The following TRA2A variants were observed in gnomAD, a reference collection of about 807,000 sequenced individuals.
The protein encoded by TRA2A is transformer 2 alpha homolog.
TRA2A carries 31 observed loss-of-function variants against 45.7 expected under a neutral mutation model. That is an observed-to-expected ratio of 0.68 (90% confidence interval 0.51 to 0.92). TRA2A has a LOEUF of 0.92. Among genes scored for constraint, TRA2A ranks in the 40% least tolerant of loss-of-function variants. TRA2A has a pLI of 0.00. For synonymous variants in TRA2A, 132 were observed against 126.2 expected, an observed-to-expected ratio of 1.05 and a Z score of -0.31; for missense variants, 304 against 367.5, an observed-to-expected ratio of 0.83 and a Z score of 1.41.
chr7:23,530,339 G>C (rs1584152132), intron 1 of TRA2A, among the ~76,000 whole-genome samples: 1 of 152,116 alleles, frequency 6.6e-6, no homozygotes, highest in South Asian at 2.1e-4. Flanking sequence ...TAGTCTACCG[G>C]GTAACTATTA....
At chr7:23,521,592 G>C in intron 2 of TRA2A, 115 bp downstream of exon 2, 7 of 1,238,574 alleles carry the variant, frequency 5.7e-6, no homozygotes, top group East Asian at 4.7e-5. Context: ...AGCAGTCTGA[G>C]AAAAACTATA....
intron 3 of TRA2A, among the ~76,000 whole-genome samples, chr7:23,516,071 C>T (rs528204563): frequency 1.4e-3 from 216 of 152,070 alleles, no homozygotes; most frequent in African/African-American, 4.9e-3. Context: ...ATTCAGGAGG[C>T]TAAGGCCGCA....
chr7:23,509,803 T>C (rs1344375777), intron 4 of TRA2A, among the ~76,000 whole-genome samples: 1 of 151,118 alleles, frequency 6.6e-6, no homozygotes, highest in African/African-American at 2.4e-5. Context: ...GGAGGCCAAA[T>C]CACTTGAGGT....
At chr7:23,515,039 T>A (rs1190467982) in intron 3 of TRA2A, among the ~76,000 whole-genome samples, 1 of 152,104 alleles carries the variant, frequency 6.6e-6, no homozygotes, top group Non-Finnish European at 1.5e-5. Flanking sequence ...TTTTTTTATA[T>A]ATAACATAAC....
At position 23,522,556 on chromosome 7, in the gene TRA2A, TAA is replaced by T. The variant is rs35027244; in HGVS notation, c.37-718_37-717del. The T allele has an allele frequency of 4.4e-3, 592 of 134,426 alleles. 1 individual carries two copies. Among genetic ancestry groups the T allele is most frequent in the South Asian group, 9.8e-3 (43 of 4,386 alleles). The allele number at this position is 134,426 out of a possible 1,614,324, so 8.3% of individuals were successfully genotyped here. A position where few individuals can be genotyped will look rare whatever the true frequency, so the allele number is the denominator to read the frequency against. On this transcript the variant is annotated intron_variant, in intron 1 of 7. Transcript: ENST00000297071. ...GTAAAGTGCAAGTAACTAGTTTATT[TAA>T]AAAAAAAAAAAAAAAACAATTTTAT...
intron 2 of TRA2A, among the ~76,000 whole-genome samples, chr7:23,518,550 C>T (rs1177240518): frequency 6.6e-6 from 1 of 152,014 alleles, no homozygotes; most frequent in Non-Finnish European, 1.5e-5. Flanking sequence ...ACCATGTTGG[C>T]CAGGTTGGTC....
rs1017887722 is a variant in TRA2A at position 23,531,797 on chromosome 7, C to G, written c.28G>C (p.Glu10Gln). 7 of 1,613,570 alleles carry G rather than the reference C, an allele frequency of 4.3e-6. No homozygotes were observed. The Admixed American group carries it at 6.7e-5, about 15-fold the overall frequency. The change falls in exon 1 of 8, where the codon GAG becomes CAG. Residue 10 changes from glutamate (E) to glutamine (Q), a missense_variant. Transcript: ENST00000297071. MSDVEENNF[E>Q]GRESRSQSKS... ...CGCGGCTTTGTACTCACTCTGCCCTCGAAGTTGTTTTCCTCCACATCACTC... is the reference window on the plus strand; with the variant it reads ...CGCGGCTTTGTACTCACTCTGCCCTGGAAGTTGTTTTCCTCCACATCACTC...
chr7:23,510,800 CTTAA>C (rs923159706), intron 4 of TRA2A, among the ~76,000 whole-genome samples: 7 of 151,874 alleles, frequency 4.6e-5, no homozygotes, highest in South Asian at 2.1e-4. Flanking sequence ...ACATGTATCT[CTTAA>C]TTGAGAAAAG....
rs113690117 is a variant in TRA2A at position 23,520,063 on chromosome 7, C to T, written c.170+1644G>A. Among the ~76,000 whole-genome samples the T allele has an allele frequency of 3.0e-3, 460 of 152,186 alleles. 1 individual carries two copies. Among genetic ancestry groups the T allele is most frequent in the Non-Finnish European group, 5.1e-3 (346 of 68,004 alleles). On this transcript the variant is annotated intron_variant, in intron 2 of 7. Transcript: ENST00000297071. ...CCAACATGGTGAAACCTCGTTTCTA[C>T]TAAAAATACAAAAAATTAGCCAGGT...
chr7:23,530,194 G>GC (rs1562804132), intron 1 of TRA2A, among the ~76,000 whole-genome samples: 1 of 151,944 alleles, frequency 6.6e-6, no homozygotes, highest in Non-Finnish European at 1.5e-5. Flanking sequence ...TATGTTTATC[G>GC]CATGATTTTA....
At position 23,518,263 on chromosome 7, in the gene TRA2A, T is replaced by G. The variant is rs190712158; in HGVS notation, c.171-1735A>C. 2.0e-3 allele frequency among the ~76,000 whole-genome samples: 301 copies of G among 152,070 alleles called. 2 individuals carry two copies. Among genetic ancestry groups the G allele is most frequent in the Non-Finnish European group, 7.1e-4 (48 of 67,990 alleles). ...CCTCTCTGCTAAGTATCATTTCCAT[T>G]TCCAATTCTTCTTTAGCCTGCTGCA... On this transcript the variant is annotated intron_variant, in intron 2 of 7. Coordinates refer to ENST00000297071, the MANE Select transcript of TRA2A (RefSeq NM_013293.5).
intron 3 of TRA2A, among the ~76,000 whole-genome samples, chr7:23,514,236 T>G (rs1393922158): frequency 2.0e-5 from 3 of 151,836 alleles, no homozygotes; most frequent in Non-Finnish European, 2.9e-5. Flanking sequence ...CCCAGCTAAT[T>G]TTGTATTTTT....
intron 4 of TRA2A, among the ~76,000 whole-genome samples, chr7:23,509,965 G>T (rs1023935291): frequency 1.3e-5 from 2 of 152,174 alleles, no homozygotes; most frequent in Admixed American, 1.3e-4. Context: ...GGCGGAAGTT[G>T]CAGTGAGCTG....
At chr7:23,512,443 G>C (rs542945359) in intron 4 of TRA2A, among the ~76,000 whole-genome samples, 1 of 152,272 alleles carries the variant, frequency 6.6e-6, no homozygotes, top group East Asian at 1.9e-4. Flanking sequence ...CTGGGCAACA[G>C]AGCAAAATCA....
chr7:23,524,648 C>T (rs1013488740), intron 1 of TRA2A, among the ~76,000 whole-genome samples: 2 of 151,956 alleles, frequency 1.3e-5, no homozygotes, highest in Non-Finnish European at 2.9e-5. Context: ...GTCCTCTTAG[C>T]TGTCTCTAAC....
chr7:23,510,772 A>AG (rs1389277687), intron 4 of TRA2A, among the ~76,000 whole-genome samples: 1 of 152,194 alleles, frequency 6.6e-6, no homozygotes, highest in Non-Finnish European at 1.5e-5. Flanking sequence ...CAGATATCCT[A>AG]GTATTTCTAA....
intron 4 of TRA2A, among the ~76,000 whole-genome samples, chr7:23,511,370 CAAAAA>C (rs567187750): frequency 2.2e-4 from 9 of 40,098 alleles, no homozygotes; most frequent in East Asian, 1.4e-3. Context: ...GACTCCATCT[CAAAAA>C]AAAAAAAAAA....
chr7:23,531,172 T>G (rs1219475862), intron 1 of TRA2A: 2 of 982,454 alleles, frequency 2.0e-6, no homozygotes, highest in African/African-American at 3.5e-5. Flanking sequence ...GGTGCGGTCG[T>G]TGACTAACCA....
chr7:23,507,119 CCTA>C (rs1789377486), intron 5 of TRA2A: 1 of 301,826 alleles, frequency 3.3e-6, no homozygotes, highest in South Asian at 6.4e-5. Flanking sequence ...TATCAAAACC[CCTA>C]CTTATGTTTT....
Sources: allele counts gnomAD v4.1 joint callset (sites outside exome capture counted in the v4.1 genomes callset), GRCh38; gene constraint gnomAD v4.1.1; transcripts MANE v1.5; gene names NCBI Gene and HGNC (gene_info 2026-07-23, HGNC 2026-07-21).